The following GDPD4 variants were observed in gnomAD, a reference collection of about 807,000 sequenced individuals.
GDPD4 encodes glycerophosphodiester phosphodiesterase 6.
Under a neutral mutation model 67.8 loss-of-function variants are expected in GDPD4, and 60 were observed. The observed-to-expected ratio is 0.88, with a 90% CI of 0.72 to 1.10. GDPD4 has a LOEUF of 1.10. GDPD4 is among the 50% of genes least tolerant of loss of function. The pLI, the probability that GDPD4 is intolerant of heterozygous loss-of-function variation, is 0.00. For synonymous variants in GDPD4, 212 were observed against 210.9 expected (o/e 1.00, Z -0.04); for missense variants, 623 against 613.9 (o/e 1.01, Z -0.16).
intron 11 of GDPD4, among the ~76,000 whole-genome samples, chr11:77,252,054 G>GTTTGTTTTTTTTTTTTTTTTT (rs1565523210): frequency 7.1e-5 from 3 of 42,336 alleles, no homozygotes; most frequent in Non-Finnish European, 1.3e-4. Context: ...TTGTTTGTTT[G>GTTTGTTTTTTTTTTTTTTTTT]TTTTTTTTTT....
chr11:77,273,969 T>C (rs191120524), intron 5 of GDPD4, among the ~76,000 whole-genome samples: 3 of 152,330 alleles, frequency 2.0e-5, no homozygotes, highest in Non-Finnish European at 4.4e-5. Context: ...TCAAACAGTC[T>C]TCCTGATTTC....
intron 13 of GDPD4, among the ~76,000 whole-genome samples, chr11:77,234,839 T>G (rs762070589): frequency 3.9e-5 from 6 of 152,070 alleles, no homozygotes; most frequent in Non-Finnish European, 5.9e-5. Flanking sequence ...GTAGAACAAT[T>G]TATTTTCCTT....
intron 3 of GDPD4, among the ~76,000 whole-genome samples, chr11:77,284,743 C>T (rs532309670): frequency 6.6e-6 from 1 of 152,268 alleles, no homozygotes; most frequent in African/African-American, 2.4e-5. Context: ...TGAAGACCAA[C>T]TAGTGTCAAC....
intron 1 of GDPD4, among the ~76,000 whole-genome samples, chr11:77,291,063 G>A (rs1004470720): frequency 2.4e-4 from 36 of 152,170 alleles, no homozygotes; most frequent in African/African-American, 7.5e-4. Flanking sequence ...AAGGATACCT[G>A]CATCCCTATG....
intron 11 of GDPD4, among the ~76,000 whole-genome samples, chr11:77,257,106 A>G (rs1407094719): frequency 6.6e-6 from 1 of 152,096 alleles, no homozygotes; most frequent in African/African-American, 2.4e-5. Flanking sequence ...TCCTAATTAC[A>G]CTACTACCGT....
intron 11 of GDPD4, among the ~76,000 whole-genome samples, chr11:77,257,590 CACA>C (rs1241670456): frequency 1.3e-5 from 2 of 150,966 alleles, no homozygotes; most frequent in African/African-American, 4.9e-5. Context: ...CACACACACA[CACA>C]CCCTGTTGCT....
At chr11:77,245,221 T>C (rs1182701014) in intron 12 of GDPD4, 60 bp downstream of exon 12, 3 of 1,262,714 alleles carry the variant, frequency 2.4e-6, no homozygotes, top group Non-Finnish European at 3.5e-6. Context: ...TCAACTACTG[T>C]GCTCCTAGGA....
At chr11:77,282,166 T>A (rs1959784982) in intron 3 of GDPD4, among the ~76,000 whole-genome samples, 1 of 152,128 alleles carries the variant, frequency 6.6e-6, no homozygotes. Flanking sequence ...ATCCTTGTAT[T>A]ATCCAGGAAA....
chr11:77,248,006 G>A (rs1462959206), intron 11 of GDPD4, among the ~76,000 whole-genome samples: 2 of 129,748 alleles, frequency 1.5e-5, no homozygotes, highest in Admixed American at 9.4e-5. Context: ...AGCCAAGATC[G>A]CACCATTGTA....
intron 11 of GDPD4, among the ~76,000 whole-genome samples, chr11:77,246,792 T>C (rs1958792551): frequency 6.6e-6 from 1 of 152,192 alleles, no homozygotes. Flanking sequence ...GGAACTGTCA[T>C]ACATTCTTTG....
At chr11:77,223,931 C>A (rs1348511813) in intron 16 of GDPD4, among the ~76,000 whole-genome samples, 1 of 152,214 alleles carries the variant, frequency 6.6e-6, no homozygotes, top group African/African-American at 2.4e-5. Context: ...CAGGCTGTGG[C>A]CTTGCAGTTC....
At chr11:77,275,302 T>C (rs1005604590) in intron 5 of GDPD4, among the ~76,000 whole-genome samples, 1 of 152,142 alleles carries the variant, frequency 6.6e-6, no homozygotes, top group African/African-American at 2.4e-5. Flanking sequence ...GGATGCTATA[T>C]TGGAAATATG....
In GDPD4 at chr11:77,216,732, CCT is replaced by C; in HGVS notation, c.*543_*544del. On this transcript the variant is annotated 3_prime_UTR_variant, in exon 17 of 17. Transcript: ENST00000315938. ...TTGATAGCGAGAGCACAATGGTTCC[CCT>C]GAGAGCCTCCGTGGCCCTTCTGTGT... The C allele has an allele frequency of 1.7e-6, 1 of 591,298 alleles. No homozygotes were observed. The highest frequency in any genetic ancestry group is 2.8e-5 in the East Asian group (1 of 35,812). 36.6% of individuals were successfully genotyped at this position (591,298 alleles called of 1,614,324 possible).
At chr11:77,269,783 GACTT>G (rs1249599473) in intron 8 of GDPD4, 96 bp downstream of exon 8, 4 of 640,708 alleles carry the variant, frequency 6.2e-6, no homozygotes, top group Non-Finnish European at 1.1e-5. Context: ...CATTCCCCAA[GACTT>G]ACTATTTTAG....
intron 11 of GDPD4, among the ~76,000 whole-genome samples, chr11:77,255,890 AAAAG>A (rs1262906013): frequency 6.6e-6 from 1 of 152,164 alleles, no homozygotes; most frequent in Non-Finnish European, 1.5e-5. Context: ...TAAATATAAA[AAAAG>A]AAAACTAAAA....
chr11:77,224,394 C>T (rs1958286737), intron 16 of GDPD4: 1 of 152,156 alleles, frequency 6.6e-6, no homozygotes, highest in Admixed American at 6.6e-5. Context: ...GGGATAATTA[C>T]TCCAATGATT....
chr11:77,234,921 A>G (rs1461677175), intron 13 of GDPD4, among the ~76,000 whole-genome samples: 1 of 151,410 alleles, frequency 6.6e-6, no homozygotes, highest in African/African-American at 2.4e-5. Context: ...AGAAATCTCT[A>G]AACTGCTTTC....
At chr11:77,235,024 T>TTTTTTTTTG (rs1958530626) in intron 13 of GDPD4, among the ~76,000 whole-genome samples, 1 of 141,410 alleles carries the variant, frequency 7.1e-6, no homozygotes, top group Non-Finnish European at 1.6e-5. Flanking sequence ...TTTTTTTTTT[T>TTTTTTTTTG]TTTTTTTTTT....
intron 11 of GDPD4, 143 bp downstream of exon 11, chr11:77,258,243 A>G (rs982378200): frequency 4.4e-5 from 32 of 732,920 alleles, no homozygotes; most frequent in Non-Finnish European, 1.4e-5. Context: ...CCCTCCTGCC[A>G]ATACTATAGT....
Sources: gnomAD v4.1 joint callset for allele counts (sites outside exome capture counted in the v4.1 genomes callset) on GRCh38, gnomAD v4.1.1 for gene constraint, MANE v1.5 for transcripts, NCBI Gene and HGNC (gene_info 2026-07-23, HGNC 2026-07-21) for gene names.